The following RDX variants were observed in gnomAD, a reference collection of about 807,000 sequenced individuals.
The protein encoded by RDX is radixin.
In RDX, 32 loss-of-function variants were observed where a neutral mutation model predicts 83.7. The observed-to-expected ratio is 0.38, with a 90% CI of 0.29 to 0.51. The LOEUF (loss-of-function observed/expected upper bound fraction) is 0.51. RDX is among the 20% of genes least tolerant of loss of function. The pLI, the probability that RDX is intolerant of heterozygous loss-of-function variation, is 0.87. For synonymous variants in RDX, 229 were observed against 222.7 expected, an observed-to-expected ratio of 1.03 and a Z score of -0.25; for missense variants, 600 against 689.9, an observed-to-expected ratio of 0.87 and a Z score of 1.46.
In RDX at chr11:110,287,584, T is replaced by C. The variant is rs920039213; in HGVS notation, c.-64-7828A>G. Among the ~76,000 whole-genome samples the C allele has an allele frequency of 5.3e-5, 8 of 152,184 alleles. 1 individual carries two copies. The highest frequency in any genetic ancestry group is 1.2e-4 in the Non-Finnish European group (8 of 68,024). The stretch of plus-strand genomic sequence containing the variant: ...TAATAATGCACTTTTACCTAAATAA[T>C]GACATGTCATCCCGTCATCCCAAAG... On this transcript the variant is annotated intron_variant, in intron 1 of 13. Coordinates refer to ENST00000645495, the MANE Select transcript of RDX (RefSeq NM_002906.4).
At chr11:110,243,200 C>T (rs1332779800) in intron 10 of RDX, among the ~76,000 whole-genome samples, 11 of 151,938 alleles carry the variant, frequency 7.2e-5, no homozygotes, top group Admixed American at 6.6e-4. Context: ...AAGTATAATG[C>T]AAATATTCCA....
Position 110,231,467 on chromosome 11 carries a change from T to C in RDX, c.*402A>G. ...GAGAAAATGTGAGTGAGAGAGAATG[T>C]GGAAATAGGTTAAATATGGAAAGGG... On this transcript the variant is annotated 3_prime_UTR_variant, in exon 14 of 14. Coordinates refer to ENST00000645495, the MANE Select transcript of RDX (RefSeq NM_002906.4). 4.0e-6 allele frequency: 1 copy of C among 247,556 alleles called. No individual in the cohort carries two copies. The highest frequency in any genetic ancestry group is 1.5e-3 in the Middle Eastern group (1 of 654). 15.3% of individuals were successfully genotyped at this position (247,556 alleles called of 1,614,324 possible).
chr11:110,260,288 A>G (rs1565320465), intron 5 of RDX, among the ~76,000 whole-genome samples: 1 of 152,138 alleles, frequency 6.6e-6, no homozygotes, highest in African/African-American at 2.4e-5. Context: ...ACCCGGCTGG[A>G]AACTGCTCTT....
chr11:110,294,445 T>G (rs1369025506), intron 1 of RDX, among the ~76,000 whole-genome samples: 2 of 152,120 alleles, frequency 1.3e-5, no homozygotes, highest in Non-Finnish European at 2.9e-5. Context: ...TGAAGATAAA[T>G]CTTTTGACTC....
chr11:110,214,983 A>G (rs1863979961), intron 14 of RDX, among the ~76,000 whole-genome samples: 1 of 148,948 alleles, frequency 6.7e-6, no homozygotes, highest in Non-Finnish European at 1.5e-5. Flanking sequence ...CTAAAACTTA[A>G]AGTATAATAA....
Position 110,216,978 on chromosome 11 carries a change from G to C in RDX, c.1748+14895C>G, listed in dbSNP as rs137949442. 5.3e-5 allele frequency among the ~76,000 whole-genome samples: 8 copies of C among 152,332 alleles called. No individual in the cohort carries two copies. In the East Asian group the frequency reaches 9.6e-4, roughly 18 times the overall value. ...CTACCTACCCCATATGTAAAGGGCT[G>C]ATGCCCTCCCTCTTCCTCACTCTTT... On this transcript the variant is annotated intron_variant, in intron 14 of 15. Transcript: ENST00000528498.
At chr11:110,253,889 T>TA (rs1213320297) in intron 9 of RDX, 57 bp downstream of exon 9, 1 of 1,530,646 alleles carries the variant, frequency 6.5e-7, no homozygotes, top group Non-Finnish European at 9.0e-7. Flanking sequence ...TGAGCAGTCT[T>TA]AAATTTTAGA....
rs534340978 is a variant in RDX, at chr11:110,259,856, C to T, written c.468-1667G>A. Among the ~76,000 whole-genome samples, 29 of 151,016 alleles carry T rather than the reference C, an allele frequency of 1.9e-4. No individual in the cohort carries two copies. The South Asian group carries it at 5.9e-3, about 31-fold the overall frequency. ...TTTTTCCCAACCCCTATTTTTTTTTCTTTTTCAGAGACAACTTTCTTTTAT... is the reference window on the plus strand; with the variant it reads ...TTTTTCCCAACCCCTATTTTTTTTTTTTTTTCAGAGACAACTTTCTTTTAT... On this transcript the variant is annotated intron_variant, in intron 5 of 13. Transcript: ENST00000645495.
intron 1 of RDX, among the ~76,000 whole-genome samples, chr11:110,286,651 T>C (rs1860991783): frequency 6.6e-6 from 1 of 152,248 alleles, no homozygotes; most frequent in Non-Finnish European, 1.5e-5. Context: ...TAAATTTTTT[T>C]CTGCCTTTTC....
At chr11:110,277,500 A>G (rs976063017) in intron 2 of RDX, among the ~76,000 whole-genome samples, 4 of 151,980 alleles carry the variant, frequency 2.6e-5, no homozygotes, top group African/African-American at 9.7e-5. Flanking sequence ...TTGTACTTTC[A>G]GTAGAGATGG....
intron 14 of RDX, among the ~76,000 whole-genome samples, chr11:110,218,369 C>T (rs1256910): frequency 6.6e-6 from 1 of 152,112 alleles, no homozygotes; most frequent in African/African-American, 2.4e-5. Flanking sequence ...AGATTTTTTT[C>T]CCCATGTGGC....
At chr11:110,179,875 GTTCTTTTTCTTT>G (rs201577302) in intron 15 of RDX, 14 of 427,472 alleles carry the variant, frequency 3.3e-5, no homozygotes, top group Middle Eastern at 7.2e-4. Flanking sequence ...TCTGGACTTT[GTTCTTTTTCTTT>G]TTCTTTTTCT....
At chr11:110,286,200 T>C (rs949776564) in intron 1 of RDX, among the ~76,000 whole-genome samples, 3 of 152,212 alleles carry the variant, frequency 2.0e-5, no homozygotes, top group Non-Finnish European at 4.4e-5. Flanking sequence ...CAATATATTG[T>C]GCTCTTTTCC....
chr11:110,267,841 C>T (rs1346269095), intron 3 of RDX, among the ~76,000 whole-genome samples: 2 of 150,282 alleles, frequency 1.3e-5, no homozygotes, highest in Non-Finnish European at 3.0e-5. Context: ...GTAGTTCTAG[C>T]TAATCAGGAG....
chr11:110,249,012 G>C (rs1454248373), intron 9 of RDX, among the ~76,000 whole-genome samples: 1 of 152,176 alleles, frequency 6.6e-6, no homozygotes, highest in Non-Finnish European at 1.5e-5. Flanking sequence ...CCATGGGCCT[G>C]ATGAGAGTGT....
At chr11:110,192,037 T>C (rs1355270695) in intron 15 of RDX, among the ~76,000 whole-genome samples, 1 of 152,140 alleles carries the variant, frequency 6.6e-6, no homozygotes, top group Non-Finnish European at 1.5e-5. Context: ...AAAAAGCTAT[T>C]CTAAAATTCA....
chr11:110,175,079 T>A (rs1464775276), exon 16 of RDX: 1 of 152,154 alleles, frequency 6.6e-6, no homozygotes, highest in Non-Finnish European at 1.5e-5. Context: ...TGGGCTTGGG[T>A]TGGGACTCAG....
At chr11:110,228,784 G>A, downstream of RDX, among the ~76,000 whole-genome samples, 1 of 151,386 alleles carries the variant, frequency 6.6e-6, no homozygotes, top group East Asian at 1.9e-4. Flanking sequence ...CTTTATAAGG[G>A]GCCATTCCAG....
intron 14 of RDX, among the ~76,000 whole-genome samples, chr11:110,203,978 G>T (rs1009846436): frequency 6.6e-6 from 1 of 151,984 alleles, no homozygotes; most frequent in African/African-American, 2.4e-5. Flanking sequence ...GGAAATGGAG[G>T]GTGCAGTGAG....
Sources: allele counts gnomAD v4.1 joint callset (sites outside exome capture counted in the v4.1 genomes callset), GRCh38; gene constraint gnomAD v4.1.1; transcripts MANE v1.5; gene names NCBI Gene and HGNC (gene_info 2026-07-23, HGNC 2026-07-21).